STPG2: variants seen among roughly 807,000 people sequenced by gnomAD.
STPG2 encodes sperm-tail PG-rich repeat-containing protein 2.
Under a neutral mutation model 54.2 loss-of-function variants are expected in STPG2, and 56 were observed. That is an observed-to-expected ratio of 1.03 (90% CI 0.83 to 1.29). The LOEUF is 1.29. Among genes scored for constraint, STPG2 ranks in the 50% most tolerant of loss-of-function variants. The pLI is 0.00. For missense variants in STPG2, 596 were observed against 544.9 expected (o/e 1.09, Z -0.93); for synonymous variants, 200 against 181.8 (o/e 1.10, Z -0.81).
At chr4:98,132,367 T>C (rs1459524078) in intron 2 of STPG2, among the ~76,000 whole-genome samples, 1 of 152,078 alleles carries the variant, frequency 6.6e-6, no homozygotes, top group Non-Finnish European at 1.5e-5. Flanking sequence ...ATGTACTTCA[T>C]ATCACATAAA....
intron 4 of STPG2, among the ~76,000 whole-genome samples, chr4:97,486,627 AAGTAGAACTACC>A (rs1315734358): frequency 6.6e-6 from 1 of 151,700 alleles, no homozygotes; most frequent in Non-Finnish European, 1.5e-5. Flanking sequence ...AAAGAACTAA[AAGTAGAACTACC>A]ATTTGATCCA....
chr4:97,752,224 T>A (rs1005909296), intron 9 of STPG2, among the ~76,000 whole-genome samples: 5 of 151,696 alleles, frequency 3.3e-5, no homozygotes, highest in African/African-American at 1.2e-4. Context: ...ACAGTTTCCT[T>A]CAATTAATAT....
chr4:97,723,064 G>C (rs1031534449), intron 9 of STPG2, among the ~76,000 whole-genome samples: 1 of 149,676 alleles, frequency 6.7e-6, no homozygotes. Context: ...CGCCAGCCTC[G>C]GCCTCCTAAA....
chr4:97,678,520 A>C (rs1722925126), intron 10 of STPG2, among the ~76,000 whole-genome samples: 1 of 152,186 alleles, frequency 6.6e-6, no homozygotes, highest in Non-Finnish European at 1.5e-5. Context: ...CATGCACCAT[A>C]CAGCCTAGAT....
chr4:97,690,250 A>G (rs930150662), intron 10 of STPG2, among the ~76,000 whole-genome samples: 2 of 152,156 alleles, frequency 1.3e-5, no homozygotes, highest in Non-Finnish European at 2.9e-5. Flanking sequence ...AATGACTTAT[A>G]TATTTCAGAC....
At chr4:98,075,337 T>G (rs376543754) in intron 5 of STPG2, among the ~76,000 whole-genome samples, 1 of 152,214 alleles carries the variant, frequency 6.6e-6, no homozygotes, top group East Asian at 1.9e-4. Context: ...GTGCTTCCCT[T>G]TACTTAATAC....
At chr4:97,506,325 C>T (rs1730843693) in intron 4 of STPG2, among the ~76,000 whole-genome samples, 1 of 151,876 alleles carries the variant, frequency 6.6e-6, no homozygotes, top group Admixed American at 6.6e-5. Context: ...TACAAAGATG[C>T]ATTAGAGACA....
At chr4:97,633,182 C>T (rs2148934916) in intron 10 of STPG2, among the ~76,000 whole-genome samples, 1 of 152,188 alleles carries the variant, frequency 6.6e-6, no homozygotes, top group South Asian at 2.1e-4. Flanking sequence ...TGATCTAAAA[C>T]TTATAGAAGG....
chr4:97,703,523 A>T (rs1398652868), intron 10 of STPG2, among the ~76,000 whole-genome samples: 5 of 141,478 alleles, frequency 3.5e-5, no homozygotes, highest in Non-Finnish European at 6.1e-5. Flanking sequence ...TAGACTATAT[A>T]CTATATATAA....
intron 4 of STPG2, among the ~76,000 whole-genome samples, chr4:97,514,870 C>A (rs1370870395): frequency 1.3e-5 from 2 of 151,898 alleles, no homozygotes; most frequent in Non-Finnish European, 2.9e-5. Flanking sequence ...CCTGGGGGTA[C>A]CAATTGGTAT....
At chr4:98,129,894 G>A (rs918522966) in intron 2 of STPG2, among the ~76,000 whole-genome samples, 1 of 152,254 alleles carries the variant, frequency 6.6e-6, no homozygotes, top group Non-Finnish European at 1.5e-5. Context: ...TTTTGCTCTT[G>A]TTGCCCAGGC....
chr4:97,720,312 A>G (rs17026896), intron 9 of STPG2, among the ~76,000 whole-genome samples: 2,702 of 152,110 alleles, frequency 0.018, 77 homozygotes, highest in African/African-American at 0.061. Context: ...AAAATGAGTA[A>G]GGATCAAAGT....
At chr4:97,891,501 A>T (rs1279726790) in intron 8 of STPG2, among the ~76,000 whole-genome samples, 1 of 152,066 alleles carries the variant, frequency 6.6e-6, no homozygotes, top group Non-Finnish European at 1.5e-5. Flanking sequence ...AAAAAAAATG[A>T]TATATCTAAA....
At chr4:97,806,175 A>C (rs954843062) in intron 9 of STPG2, among the ~76,000 whole-genome samples, 2 of 152,252 alleles carry the variant, frequency 1.3e-5, no homozygotes, top group African/African-American at 4.8e-5. Context: ...ACAATGGAAT[A>C]CTATGCAGCC....
intron 9 of STPG2, among the ~76,000 whole-genome samples, chr4:97,754,988 G>A (rs985916926): frequency 6.6e-6 from 1 of 152,126 alleles, no homozygotes; most frequent in East Asian, 1.9e-4. Context: ...CCACTCTGGT[G>A]AATGGATGAC....
rs75626827 is a variant in STPG2, at chr4:97,836,260, C to G, written c.1204+4513G>C. Among the ~76,000 whole-genome samples the G allele has an allele frequency of 1.1e-4, 17 of 152,028 alleles. No homozygotes were observed. The East Asian group carries it at 3.1e-3, about 28-fold the overall frequency. On this transcript the variant is annotated intron_variant, in intron 9 of 10. Transcript: ENST00000295268. The stretch of plus-strand genomic sequence containing the variant: ...TTATTTTAAGAAATTTCCAGAGCCA[C>G]CCCAACCTTTAGTAACCAAAATTCT...
At chr4:97,763,216 A>G (rs944077806) in intron 9 of STPG2, among the ~76,000 whole-genome samples, 3 of 152,316 alleles carry the variant, frequency 2.0e-5, no homozygotes, top group Admixed American at 6.5e-5. Flanking sequence ...AGCCATGATC[A>G]GTATGAAATA....
chr4:97,988,955 T>C (rs1195799746), intron 5 of STPG2, among the ~76,000 whole-genome samples: 2 of 152,210 alleles, frequency 1.3e-5, no homozygotes, highest in African/African-American at 4.8e-5. Context: ...TCCTATGTAT[T>C]TTTTTAAACT....
intron 10 of STPG2, among the ~76,000 whole-genome samples, chr4:97,590,019 T>C (rs924953305): frequency 3.9e-5 from 6 of 152,172 alleles, no homozygotes; most frequent in Non-Finnish European, 5.9e-5. Flanking sequence ...CATCATTAAG[T>C]GATGAAACTT....
Sources: gnomAD v4.1 joint callset for allele counts (sites outside exome capture counted in the v4.1 genomes callset) on GRCh38, gnomAD v4.1.1 for gene constraint, MANE v1.5 for transcripts, NCBI Gene and HGNC (gene_info 2026-07-23, HGNC 2026-07-21) for gene names.